The following HSD17B12 variants were observed in gnomAD, a reference collection of about 807,000 sequenced individuals.
The protein encoded by HSD17B12 is hydroxysteroid 17-beta dehydrogenase 12.
Under a neutral mutation model 39.3 loss-of-function variants are expected in HSD17B12, and 32 were observed. That is an observed-to-expected ratio of 0.81 (90% confidence interval 0.61 to 1.09). The LOEUF (loss-of-function observed/expected upper bound fraction) is 1.09, where lower values mean the gene tolerates loss of function less well. Ranked by LOEUF, HSD17B12 falls within the 50% of genes least tolerant of loss-of-function variation. The pLI, the probability that HSD17B12 is intolerant of heterozygous loss-of-function variation, is 0.00. For synonymous variants in HSD17B12, 150 were observed against 146.7 expected (o/e 1.02, Z -0.16); for missense variants, 342 against 382.9 (o/e 0.89, Z 0.89).
intron 3 of HSD17B12, among the ~76,000 whole-genome samples, chr11:43,767,591 T>C (rs1453590174): frequency 1.3e-5 from 2 of 152,222 alleles, no homozygotes; most frequent in African/African-American, 4.8e-5. Context: ...TTTTGTTACA[T>C]GCTAATTTTT....
chr11:43,721,515 A>T (rs1950176182), intron 1 of HSD17B12, among the ~76,000 whole-genome samples: 1 of 152,126 alleles, frequency 6.6e-6, no homozygotes. Flanking sequence ...GCTACTCGGG[A>T]GGCTAAGCCA....
chr11:43,835,298 T>C (rs1951358516), intron 7 of HSD17B12, among the ~76,000 whole-genome samples: 1 of 152,094 alleles, frequency 6.6e-6, no homozygotes, highest in Admixed American at 6.6e-5. Flanking sequence ...TCTGCTTAGA[T>C]GGAGGATTAG....
At chr11:43,676,217 G>GTGTGTA (rs1349202652), upstream of HSD17B12, among the ~76,000 whole-genome samples, 88 of 151,414 alleles carry the variant, frequency 5.8e-4, no homozygotes, top group African/African-American at 2.1e-3. Context: ...GGGTGTGTGT[G>GTGTGTA]TGTGTGTGTG....
the HSD17B12 span, among the ~76,000 whole-genome samples, chr11:43,562,152 C>G: frequency 6.6e-6 from 1 of 152,214 alleles, no homozygotes; most frequent in East Asian, 1.9e-4. Context: ...CATTTTAAAG[C>G]ACTCTAGATA....
chr11:43,758,151 G>A (rs546280792), intron 3 of HSD17B12, among the ~76,000 whole-genome samples: 38 of 152,184 alleles, frequency 2.5e-4, no homozygotes, highest in Non-Finnish European at 4.7e-4. Flanking sequence ...CTAAATCTCT[G>A]GTAAGTGAAT....
intron 3 of HSD17B12, among the ~76,000 whole-genome samples, chr11:43,762,203 ATTAAG>A (rs1489527560): frequency 6.6e-6 from 1 of 152,192 alleles, no homozygotes; most frequent in Admixed American, 6.5e-5. Flanking sequence ...TTCTCAAAAT[ATTAAG>A]TTTTTTCTGG....
chr11:43,669,508 A>C, the HSD17B12 span, among the ~76,000 whole-genome samples: 1 of 152,008 alleles, frequency 6.6e-6, no homozygotes, highest in African/African-American at 2.4e-5. Flanking sequence ...TTCAAAAAAA[A>C]AAAAAAGAAT....
intron 1 of HSD17B12, among the ~76,000 whole-genome samples, chr11:43,688,693 G>C (rs1238525288): frequency 6.6e-6 from 1 of 152,178 alleles, no homozygotes; most frequent in African/African-American, 2.4e-5. Context: ...CCTCTCAAGA[G>C]TATTACATTG....
intron 1 of HSD17B12, among the ~76,000 whole-genome samples, chr11:43,705,153 G>T (rs997148294): frequency 1.1e-4 from 16 of 152,182 alleles, no homozygotes; most frequent in African/African-American, 3.9e-4. Context: ...GAAAGGAAAA[G>T]ACTTTTGTAT....
intron 4 of HSD17B12, among the ~76,000 whole-genome samples, chr11:43,814,786 C>G (rs2135077531): frequency 6.6e-6 from 1 of 152,250 alleles, no homozygotes; most frequent in African/African-American, 2.4e-5. Flanking sequence ...AGGAAAGGCT[C>G]CCATGGCACT....
At chr11:43,761,405 T>A (rs1384531499) in intron 3 of HSD17B12, among the ~76,000 whole-genome samples, 7 of 152,244 alleles carry the variant, frequency 4.6e-5, no homozygotes, top group Non-Finnish European at 1.0e-4. Flanking sequence ...TTCTATATAA[T>A]TAACATCTTT....
At chr11:43,646,654 T>C in the HSD17B12 span, among the ~76,000 whole-genome samples, 4 of 152,190 alleles carry the variant, frequency 2.6e-5, no homozygotes, top group Non-Finnish European at 4.4e-5. Context: ...GTACATACTT[T>C]GTTAAGTTTA....
intron 1 of HSD17B12, among the ~76,000 whole-genome samples, chr11:43,747,714 C>G (rs924539821): frequency 6.6e-6 from 1 of 152,208 alleles, no homozygotes; most frequent in South Asian, 2.1e-4. Context: ...AAAGGAGATT[C>G]ACTTAAACCG....
chr11:43,754,791 G>A (rs561283182), intron 3 of HSD17B12: 3 of 708,972 alleles, frequency 4.2e-6, no homozygotes, highest in Non-Finnish European at 7.6e-6. Context: ...GTTTCTAAAT[G>A]TATAACACAT....
chr11:43,610,623 A>T, the HSD17B12 span, among the ~76,000 whole-genome samples: 1 of 152,180 alleles, frequency 6.6e-6, no homozygotes, highest in East Asian at 1.9e-4. Context: ...TATATATAAT[A>T]CTAGTAGATG....
chr11:43,812,385 A>AT (rs534041927), intron 4 of HSD17B12, among the ~76,000 whole-genome samples: 137 of 152,204 alleles, frequency 9.0e-4, no homozygotes, highest in African/African-American at 3.2e-3. Flanking sequence ...AGCATCTGTT[A>AT]TTTTTTGGCT....
chr11:43,778,025 A>G (rs1405521352), intron 3 of HSD17B12, among the ~76,000 whole-genome samples: 11 of 152,212 alleles, frequency 7.2e-5, no homozygotes, highest in African/African-American at 2.7e-4. Context: ...AAAACCCTTC[A>G]AAAAATTAAT....
intron 3 of HSD17B12, among the ~76,000 whole-genome samples, chr11:43,778,402 A>C (rs2135004282): frequency 6.6e-6 from 1 of 152,358 alleles, no homozygotes; most frequent in East Asian, 1.9e-4. Context: ...ATTCTACCAG[A>C]GGTATAAGGA....
At chr11:43,675,514 C>T in the HSD17B12 span, among the ~76,000 whole-genome samples, 1 of 151,878 alleles carries the variant, frequency 6.6e-6, no homozygotes, top group African/African-American at 2.4e-5. Flanking sequence ...CCGGAGAGGT[C>T]AGGGCAGACA....
Sources: gnomAD v4.1 joint callset for allele counts (sites outside exome capture counted in the v4.1 genomes callset) on GRCh38, gnomAD v4.1.1 for gene constraint, MANE v1.5 for transcripts, NCBI Gene and HGNC (gene_info 2026-07-23, HGNC 2026-07-21) for gene names.